The following ELF1 variants were observed in gnomAD, a reference collection of about 807,000 sequenced individuals.
ELF1 encodes E74 like ETS transcription factor 1.
A neutral mutation model predicts 59.9 loss-of-function variants in ELF1; 24 were observed. The ratio of observed to expected loss-of-function variants is 0.40; its 90% CI spans 0.29 to 0.56. The LOEUF (loss-of-function observed/expected upper bound fraction) is 0.56, where lower values mean the gene tolerates loss of function less well. ELF1 is among the 20% of genes least tolerant of loss of function. The pLI, the probability that ELF1 is intolerant of heterozygous loss-of-function variation, is 0.44. For synonymous variants in ELF1, 248 were observed against 266.2 expected (o/e 0.93, Z 0.67); for missense variants, 627 against 742.2 (o/e 0.84, Z 1.80).
chr13:40,943,851 CTT>C lies in ELF1; in HGVS notation c.602_603del (p.Lys201ArgfsTer25). ...TPNISVKKKN[K>X]DGKGNTIYLW... Reference sequence around the variant, plus strand: ...TATTACACAGTAGTACCCTTTCCATCTTTGTTTTTCTTCTTCACAGATATATT... The same window carrying C: ...TATTACACAGTAGTACCCTTTCCATCTGTTTTTCTTCTTCACAGATATATT... On this transcript the variant is annotated frameshift_variant, in exon 6 of 9. Transcript: ENST00000239882. LOFTEE classifies it high-confidence loss of function. 1 of 1,613,414 alleles carries C rather than the reference CTT, an allele frequency of 6.2e-7. No homozygotes were observed. The highest frequency in any genetic ancestry group is 8.5e-7 in the Non-Finnish European group (1 of 1,179,582).
At chr13:41,041,189 A>G (rs1341419017) in intron 1 of ELF1, among the ~76,000 whole-genome samples, 2 of 151,430 alleles carry the variant, frequency 1.3e-5, no homozygotes, top group Non-Finnish European at 2.9e-5. Context: ...TACAAAAAGC[A>G]GCTAGAGAAG....
intron 8 of ELF1, among the ~76,000 whole-genome samples, chr13:40,940,660 A>G (rs1870093235): frequency 1.3e-5 from 2 of 152,326 alleles, no homozygotes; most frequent in South Asian, 2.1e-4. Flanking sequence ...ATAATTTCTT[A>G]TATGTATCAA....
intron 1 of ELF1, among the ~76,000 whole-genome samples, chr13:40,994,699 T>G (rs1363186219): frequency 6.6e-6 from 1 of 152,202 alleles, no homozygotes; most frequent in Non-Finnish European, 1.5e-5. Flanking sequence ...CTGTTTTAAT[T>G]CTGTTCATTA....
chr13:40,988,099 T>G (rs756218501), intron 1 of ELF1, among the ~76,000 whole-genome samples: 5 of 152,198 alleles, frequency 3.3e-5, no homozygotes, highest in Non-Finnish European at 7.3e-5. Flanking sequence ...CTGTTTTCTA[T>G]TATAACATGG....
chr13:41,042,643 C>A lies in ELF1; in HGVS notation c.-229+18195G>T, dbSNP rs556891796. On this transcript the variant is annotated intron_variant, in intron 1 of 1. Transcript: ENST00000405737. ...TCCCTACAAAGGACATGAACTCATC[C>A]TTTTTTATGGCTGCATAGTATTCCA... is the stretch of plus-strand genomic sequence containing the variant. 4.0e-4 allele frequency among the ~76,000 whole-genome samples: 61 copies of A among 152,174 alleles called. No individual in the cohort carries two copies. In the South Asian group the frequency reaches 6.8e-3, roughly 17 times the overall value.
At chr13:40,992,942 T>C (rs1873941904) in intron 1 of ELF1, 1 of 789,438 alleles carries the variant, frequency 1.3e-6, no homozygotes, top group Non-Finnish European at 2.2e-6. Context: ...CTTTTCTCTT[T>C]TCTTTGATTA....
At chr13:40,981,477 C>T (rs975682666) in intron 2 of ELF1, among the ~76,000 whole-genome samples, 56 of 152,140 alleles carry the variant, frequency 3.7e-4, no homozygotes, top group African/African-American at 1.3e-3. Context: ...TTTAGAAATT[C>T]TTCAGTTCAA....
chr13:40,998,538 T>A (rs1393531453), intron 1 of ELF1, among the ~76,000 whole-genome samples: 1 of 152,210 alleles, frequency 6.6e-6, no homozygotes, highest in Non-Finnish European at 1.5e-5. Context: ...TGTATCCCAG[T>A]CATTAACTGA....
chr13:41,012,312 CAAAAAAAAA>C (rs56791748), intron 1 of ELF1, among the ~76,000 whole-genome samples: 1 of 65,038 alleles, frequency 1.5e-5, no homozygotes, highest in South Asian at 6.9e-4. Flanking sequence ...GACTCTGTCT[CAAAAAAAAA>C]AAAAAAAAAA....
intron 1 of ELF1, among the ~76,000 whole-genome samples, chr13:40,995,877 A>G (rs1874103125): frequency 6.6e-6 from 1 of 152,218 alleles, no homozygotes; most frequent in African/African-American, 2.4e-5. Flanking sequence ...GGACTTCATT[A>G]AAATTAAAAA....
At chr13:41,035,832 T>C (rs1876353590) in intron 1 of ELF1, among the ~76,000 whole-genome samples, 1 of 149,766 alleles carries the variant, frequency 6.7e-6, no homozygotes, top group African/African-American at 2.5e-5. Flanking sequence ...ACACAACTTC[T>C]TGTTAAAAAA....
At chr13:41,037,570 A>G (rs1157198796) in intron 1 of ELF1, among the ~76,000 whole-genome samples, 3 of 151,954 alleles carry the variant, frequency 2.0e-5, no homozygotes, top group Non-Finnish European at 1.5e-5. Flanking sequence ...ACCGAGGCGG[A>G]TGGATCATGA....
At position 40,941,227 on chromosome 13, in the gene ELF1, GA is replaced by G; in HGVS notation, c.949del (p.Ser317HisfsTer21). 6.2e-7 allele frequency: 1 copy of G among 1,614,174 alleles called. No homozygotes were observed. Among genetic ancestry groups the G allele is most frequent in the Non-Finnish European group, 8.5e-7 (1 of 1,180,012 alleles). ...SIESSDPSLSSSATSNRNQTS... is the reference protein window; with the variant it reads ...SIESSDPSLSXSATSNRNQTS... ...TTGATTCCTATTTGAAGTGGCTGAT[GA>G]AGATAGCGATGGATCTGAAGACTCT... On this transcript the variant is annotated frameshift_variant, in exon 8 of 9. Transcript: ENST00000239882. LOFTEE classifies it high-confidence loss of function.
At chr13:40,991,176 T>C (rs1873834615) in intron 1 of ELF1, among the ~76,000 whole-genome samples, 1 of 152,148 alleles carries the variant, frequency 6.6e-6, no homozygotes, top group South Asian at 2.1e-4. Context: ...TTCAGAACTG[T>C]CACAACTAAG....
At chr13:40,965,283 C>T (rs956467283) in intron 2 of ELF1, among the ~76,000 whole-genome samples, 1 of 152,104 alleles carries the variant, frequency 6.6e-6, no homozygotes, top group Non-Finnish European at 1.5e-5. Flanking sequence ...CATAAAATAG[C>T]CACACTCCTA....
intron 1 of ELF1, among the ~76,000 whole-genome samples, chr13:41,051,465 C>T (rs544788578): frequency 7.4e-4 from 113 of 152,012 alleles, no homozygotes; most frequent in Admixed American, 1.2e-3. Context: ...TAAACACAGA[C>T]GTTTGAACAG....
chr13:41,026,187 T>C (rs2138400282), intron 1 of ELF1, among the ~76,000 whole-genome samples: 1 of 152,296 alleles, frequency 6.6e-6, no homozygotes, highest in East Asian at 1.9e-4. Flanking sequence ...CTGACTAAAA[T>C]TCAAGGGCCT....
At chr13:41,000,841 C>T (rs922504772) in intron 1 of ELF1, among the ~76,000 whole-genome samples, 2 of 150,890 alleles carry the variant, frequency 1.3e-5, no homozygotes, top group Admixed American at 6.6e-5. Flanking sequence ...AAATCTGACA[C>T]GTCCTCAAGG....
At chr13:41,045,400 C>A (rs983958637) in intron 1 of ELF1, among the ~76,000 whole-genome samples, 1 of 152,192 alleles carries the variant, frequency 6.6e-6, no homozygotes, top group African/African-American at 2.4e-5. Context: ...AATTTTAGAT[C>A]TTTCCCGCTT....
Sources: gnomAD v4.1 joint callset for allele counts (sites outside exome capture counted in the v4.1 genomes callset) on GRCh38, gnomAD v4.1.1 for gene constraint, MANE v1.5 for transcripts, NCBI Gene and HGNC (gene_info 2026-07-23, HGNC 2026-07-21) for gene names.